GATAD2B: variants seen among roughly 807,000 people sequenced by gnomAD.
The protein encoded by GATAD2B is GATA zinc finger domain containing 2B.
GATAD2B carries 8 observed loss-of-function variants against 64.3 expected under a neutral mutation model. The ratio of observed to expected loss-of-function variants is 0.12; its 90% CI spans 0.07 to 0.22. The LOEUF (loss-of-function observed/expected upper bound fraction) is 0.22, where lower values mean the gene tolerates loss of function less well. Among genes scored for constraint, GATAD2B ranks in the 10% least tolerant of loss-of-function variants. The probability of loss-of-function intolerance (pLI) is 1.00; values close to 1 mark genes in which losing one functional copy is unlikely to be tolerated. For missense variants in GATAD2B, 453 were observed against 752.0 expected (o/e 0.60, Z 4.65); for synonymous variants, 281 against 271.3 (o/e 1.04, Z -0.35).
intron 1 of GATAD2B, among the ~76,000 whole-genome samples, chr1:153,918,893 C>T (rs923938286): frequency 1.3e-5 from 2 of 152,084 alleles, no homozygotes; most frequent in East Asian, 3.9e-4. Context: ...AGAGGTTGCA[C>T]TGAGCTGAGA....
chr1:153,913,364 G>A (rs1678163802), intron 1 of GATAD2B, among the ~76,000 whole-genome samples: 1 of 152,174 alleles, frequency 6.6e-6, no homozygotes, highest in South Asian at 2.1e-4. Context: ...TCACAGAAGA[G>A]AAACAATGGT....
At chr1:153,853,872 T>C (rs1055831897) in intron 1 of GATAD2B, among the ~76,000 whole-genome samples, 1 of 152,146 alleles carries the variant, frequency 6.6e-6, no homozygotes, top group Non-Finnish European at 1.5e-5. Context: ...CTATTGATCC[T>C]TTCCTTATTG....
intron 1 of GATAD2B, 113 bp from the exon 2 acceptor site, chr1:153,828,461 C>CAG: frequency 4.9e-6 from 1 of 205,358 alleles, no homozygotes; most frequent in South Asian, 4.9e-5. Flanking sequence ...CACATACACA[C>CAG]ACACACACAC....
intron 1 of GATAD2B, chr1:153,922,147 G>A (rs539649462): frequency 6.6e-6 from 1 of 152,104 alleles, no homozygotes. Context: ...ATGCGCTCCT[G>A]ATCCCTTTCC....
intron 2 of GATAD2B, among the ~76,000 whole-genome samples, chr1:153,820,786 C>T (rs1013161760): frequency 6.6e-6 from 1 of 151,724 alleles, no homozygotes; most frequent in Non-Finnish European, 1.5e-5. Context: ...TGTGCCGCTA[C>T]GCCCGGCTAA....
intron 1 of GATAD2B, among the ~76,000 whole-genome samples, chr1:153,865,384 ATG>A (rs1676440553): frequency 6.7e-6 from 1 of 148,874 alleles, no homozygotes; most frequent in South Asian, 2.1e-4. Context: ...TCGCTTGAAC[ATG>A]GGAGGCGGAG....
intron 1 of GATAD2B, among the ~76,000 whole-genome samples, chr1:153,915,603 C>T (rs1678239547): frequency 6.6e-6 from 1 of 151,740 alleles, no homozygotes; most frequent in Admixed American, 6.6e-5. Context: ...GGCAAAGTGG[C>T]ACAGGCCTAT....
intron 1 of GATAD2B, among the ~76,000 whole-genome samples, chr1:153,828,686 G>A (rs903771285): frequency 1.4e-5 from 2 of 146,958 alleles, no homozygotes; most frequent in Non-Finnish European, 3.0e-5. Context: ...TTTATTTTAT[G>A]TTCAAGGGTA....
At chr1:153,868,314 TAACAG>T (rs1676546939) in intron 1 of GATAD2B, among the ~76,000 whole-genome samples, 3 of 152,178 alleles carry the variant, frequency 2.0e-5, no homozygotes, top group South Asian at 2.1e-4. Context: ...TTTTCCAAAA[TAACAG>T]AACAATTTAG....
intron 1 of GATAD2B, among the ~76,000 whole-genome samples, chr1:153,836,571 G>GCCA (rs1675276171): frequency 2.9e-5 from 1 of 34,302 alleles, no homozygotes; most frequent in Non-Finnish European, 1.4e-4. Context: ...AAAAAAAAAA[G>GCCA]GCATGGTGAC....
chr1:153,859,436 C>A (rs4489596), intron 1 of GATAD2B, among the ~76,000 whole-genome samples: 146,858 of 151,500 alleles, frequency 0.97, 71,354 homozygotes, highest in East Asian at 1. Context: ...TTGGGAGACC[C>A]AGGTGGGTGG....
At chr1:153,873,884 G>A (rs1231189859) in intron 1 of GATAD2B, among the ~76,000 whole-genome samples, 1 of 152,160 alleles carries the variant, frequency 6.6e-6, no homozygotes, top group Non-Finnish European at 1.5e-5. Flanking sequence ...AGGAGTTCAA[G>A]GCTACAATAA....
chr1:153,820,137 A>G (rs1452456202), intron 2 of GATAD2B, among the ~76,000 whole-genome samples: 3 of 151,882 alleles, frequency 2.0e-5, no homozygotes, highest in African/African-American at 7.3e-5. Context: ...TCCTGTCAAG[A>G]GTAGGTACTG....
chr1:153,869,912 G>T (rs1676606046), intron 1 of GATAD2B, among the ~76,000 whole-genome samples: 1 of 152,052 alleles, frequency 6.6e-6, no homozygotes, highest in African/African-American at 2.4e-5. Flanking sequence ...GATGCCTTGA[G>T]CCCAGGAGTT....
intron 1 of GATAD2B, among the ~76,000 whole-genome samples, chr1:153,915,099 TATA>T (rs1266940692): frequency 6.6e-6 from 1 of 152,138 alleles, no homozygotes; most frequent in Non-Finnish European, 1.5e-5. Flanking sequence ...GGCATGTGCC[TATA>T]ATCCCAGCTA....
chr1:153,913,624 A>T (rs1313959200), intron 1 of GATAD2B, among the ~76,000 whole-genome samples: 2 of 152,164 alleles, frequency 1.3e-5, no homozygotes, highest in Non-Finnish European at 2.9e-5. Context: ...GTTTCTAAAA[A>T]ATATCTGGCC....
chr1:153,857,251 G>C (rs1388188980), intron 1 of GATAD2B, among the ~76,000 whole-genome samples: 1 of 151,940 alleles, frequency 6.6e-6, no homozygotes, highest in Admixed American at 6.6e-5. Flanking sequence ...TTTGAGACCA[G>C]CCTGGCCAAC....
intron 1 of GATAD2B, chr1:153,852,718 AAGTGAAGCTTGGTAGACAGGG>A (rs1403058649): frequency 6.6e-5 from 62 of 932,760 alleles, no homozygotes; most frequent in Middle Eastern, 2.3e-4. Context: ...TGCTCATACG[AAGTGAAGCTTGGTAGACAGGG>A]AGTGAAGCTT....
At chr1:153,847,284 A>C (rs76028135) in intron 1 of GATAD2B, among the ~76,000 whole-genome samples, 4,596 of 152,190 alleles carry the variant, frequency 0.03, 96 homozygotes, top group Middle Eastern at 0.082. Flanking sequence ...TCTATTTTTA[A>C]TGTCAGTATT....
Sources: allele counts gnomAD v4.1 joint callset (sites outside exome capture counted in the v4.1 genomes callset), GRCh38; gene constraint gnomAD v4.1.1; transcripts MANE v1.5; gene names NCBI Gene and HGNC (gene_info 2026-07-23, HGNC 2026-07-21).